Variants in RAD9B observed in about 807,000 individuals in gnomAD.
The protein encoded by RAD9B is cell cycle checkpoint control protein RAD9B.
A neutral mutation model predicts 48.3 loss-of-function variants in RAD9B; 41 were observed. The ratio of observed to expected loss-of-function variants is 0.85; its 90% CI spans 0.66 to 1.10. The LOEUF is 1.10. RAD9B is among the 50% of genes least tolerant of loss of function. RAD9B has a pLI of 0.00. For synonymous variants in RAD9B, 160 were observed against 157.9 expected, an observed-to-expected ratio of 1.01 and a Z score of -0.10; for missense variants, 444 against 485.1, an observed-to-expected ratio of 0.92 and a Z score of 0.80.
intron 4 of RAD9B, among the ~76,000 whole-genome samples, chr12:110,507,438 A>T (rs1359437352): frequency 1.4e-5 from 2 of 140,352 alleles, no homozygotes; most frequent in African/African-American, 5.2e-5. Context: ...ATATGTATTA[A>T]ATATAATATA....
intron 10 of RAD9B, 21 bp from the exon 11 acceptor site, chr12:110,530,504 C>T (rs986208842): frequency 1.2e-6 from 2 of 1,612,644 alleles, no homozygotes; most frequent in Non-Finnish European, 1.7e-6. Context: ...ATCAACAATG[C>T]AGTTCCTTTT....
At chr12:110,513,132 A>T (rs540585430) in intron 5 of RAD9B, among the ~76,000 whole-genome samples, 45 of 151,898 alleles carry the variant, frequency 3.0e-4, no homozygotes, top group African/African-American at 1.1e-3. Context: ...CTCCTGGCTA[A>T]TTTTTTTGTA....
At chr12:110,508,993 C>CTGGTTCTGTCGCCCAGGCTG (rs1314046416) in intron 4 of RAD9B, among the ~76,000 whole-genome samples, 3 of 151,930 alleles carry the variant, frequency 2.0e-5, no homozygotes, top group African/African-American at 7.3e-5. Flanking sequence ...AAGACGGAGT[C>CTGGTTCTGTCGCCCAGGCTG]TGGTTCTGTC....
Position 110,531,767 on chromosome 12 carries a change from C to T in RAD9B, c.*1114C>T. The T allele has an allele frequency of 1.3e-6, 1 of 760,910 alleles. No individual in the cohort carries two copies. The allele number at this position is 760,910 out of a possible 1,614,324, so 47.1% of individuals were successfully genotyped here. A position where few individuals can be genotyped will look rare whatever the true frequency, so the allele number is the denominator to read the frequency against. On this transcript the variant is annotated 3_prime_UTR_variant, in exon 11 of 11. Coordinates refer to ENST00000409300, the MANE Select transcript of RAD9B (RefSeq NM_001286535.2). Reference sequence around the variant, plus strand: ...ATGGACTAAAAAATCTGGCACAAAACATTGTTATGTAATGTCTTATGATGT... The same window carrying T: ...ATGGACTAAAAAATCTGGCACAAAATATTGTTATGTAATGTCTTATGATGT...
At chr12:110,514,354 T>C (rs1035158817) in intron 5 of RAD9B, among the ~76,000 whole-genome samples, 13 of 152,122 alleles carry the variant, frequency 8.5e-5, no homozygotes, top group African/African-American at 1.9e-4. Context: ...ACAGCCCAGC[T>C]GTAAAAAATA....
chr12:110,504,478 C>CAAA (rs765939893), intron 2 of RAD9B, among the ~76,000 whole-genome samples: 4 of 58,150 alleles, frequency 6.9e-5, no homozygotes, highest in Non-Finnish European at 3.6e-5. Context: ...GACTCCGTCC[C>CAAA]AAAAAAAAAA....
rs1309572250 is a variant in RAD9B at position 110,530,887 on chromosome 12, T to C, written c.*234T>C. 2 of 1,250,686 alleles carry C rather than the reference T, an allele frequency of 1.6e-6. No homozygotes were observed. The highest frequency in any genetic ancestry group is 2.0e-6 in the Non-Finnish European group (2 of 991,994). 77.5% of individuals were successfully genotyped at this position (1,250,686 alleles called of 1,614,324 possible). ...CTACTTGTGAGGCAGAAGAGTTTTC[T>C]GTGAAGGAAAAAAGCCCATTAGAGT... On this transcript the variant is annotated 3_prime_UTR_variant, in exon 11 of 11. Coordinates refer to ENST00000409300, the MANE Select transcript of RAD9B (RefSeq NM_001286535.2).
intron 4 of RAD9B, 147 bp downstream of exon 4, chr12:110,506,840 A>G: frequency 2.1e-6 from 1 of 466,922 alleles, no homozygotes; most frequent in Non-Finnish European, 3.8e-6. Context: ...TTGAAGTATT[A>G]TCCTTTTTTT....
chr12:110,508,037 C>A (rs2063348303), intron 4 of RAD9B: 1 of 168,426 alleles, frequency 5.9e-6, no homozygotes, highest in Non-Finnish European at 1.5e-5. Flanking sequence ...CTATAAAATA[C>A]TAATAATTTA....
Position 110,518,929 on chromosome 12 carries a change from T to C in RAD9B, c.758T>C (p.Phe253Ser). 1 of 1,563,822 alleles carries C rather than the reference T, an allele frequency of 6.4e-7. No homozygotes were observed. Among genetic ancestry groups the C allele is most frequent in the African/African-American group, 1.4e-5 (1 of 73,778 alleles). ...THAPISIYFD[F>S]PGKPLALSID... ...GCTCCTATATCCATTTATTTTGATT[T>C]CCCTGGGAAGTAGGTCCTTGAGAAT... Residue 253 changes from phenylalanine (F) to serine (S), a missense_variant, in exon 8 of 11, where the codon TTC becomes TCC. By Grantham distance (155) the Phe-to-Ser change is radical. Transcript: ENST00000409300.
chr12:110,518,108 G>A (rs1312334076), intron 6 of RAD9B, among the ~76,000 whole-genome samples: 5 of 151,984 alleles, frequency 3.3e-5, no homozygotes, highest in African/African-American at 7.2e-5. Context: ...AGAGAATGGC[G>A]TGAACCCGGG....
intron 10 of RAD9B, 25 bp from the exon 11 acceptor site, chr12:110,530,500 A>G: frequency 6.2e-7 from 1 of 1,612,406 alleles, no homozygotes; most frequent in Non-Finnish European, 8.5e-7. Flanking sequence ...TGGAATCAAC[A>G]ATGCAGTTCC....
intron 4 of RAD9B, among the ~76,000 whole-genome samples, chr12:110,512,285 A>T (rs191152738): frequency 1.3e-5 from 2 of 151,964 alleles, no homozygotes; most frequent in African/African-American, 4.8e-5. Context: ...GGTAGCTGGG[A>T]TTACAGGCAT....
intron 9 of RAD9B, among the ~76,000 whole-genome samples, chr12:110,520,628 C>CTTTTTTTTTTTTTTTTTTTTTTTG (rs71083129): frequency 1.0e-5 from 1 of 99,970 alleles, no homozygotes; most frequent in Admixed American, 1.3e-4. Flanking sequence ...TTCTTGCTTT[C>CTTTTTTTTTTTTTTTTTTTTTTTG]TTTTTTTTTT....
Position 110,519,941 on chromosome 12 carries a change from A to T in RAD9B, c.890+25A>T, listed in dbSNP as rs747985845. 3.7e-6 allele frequency: 6 copies of T among 1,604,884 alleles called. No individual in the cohort carries two copies. The Admixed American group carries it at 8.6e-5, about 23-fold the overall frequency. On this transcript the variant is annotated intron_variant, in intron 9 of 10. Coordinates refer to ENST00000409300, the MANE Select transcript of RAD9B (RefSeq NM_001286535.2). Reference sequence around the variant, plus strand: ...GGTAAGACTGTGTTTTAACTTCTTTATTACTTGGGACAAGCCATCATAATC... The same window carrying T: ...GGTAAGACTGTGTTTTAACTTCTTTTTTACTTGGGACAAGCCATCATAATC...
Position 110,502,372 on chromosome 12 carries a change from G to T in RAD9B, c.35G>T (p.Ser12Ile). 6.2e-7 allele frequency: 1 copy of T among 1,613,834 alleles called. No homozygotes were observed. The highest frequency in any genetic ancestry group is 8.5e-7 in the Non-Finnish European group (1 of 1,179,838). ...ATGCTGAAGTGCGTGATGAGCGGCA[G>T]TCAGGTGAAAGGTGGAGCGGCCTTT... The part of the protein sequence containing the change: ...AAMLKCVMSG[S>I]QVKVFGKAVQ... The change falls in exon 1 of 11, where the codon AGT (serine) becomes ATT (isoleucine). Residue 12 changes from serine to isoleucine, a missense_variant. Ser to Ile is a moderately radical substitution (Grantham distance 142). Coordinates refer to ENST00000409300, the MANE Select transcript of RAD9B (RefSeq NM_001286535.2).
rs2063706862 is a variant in RAD9B at position 110,519,413 on chromosome 12, TTGTTGTTGTTGTTGTTG to T, written c.768-379_768-363del. Among the ~76,000 whole-genome samples, 15 of 145,176 alleles carry T rather than the reference TTGTTGTTGTTGTTGTTG, an allele frequency of 1.0e-4. No individual in the cohort carries two copies. The South Asian group carries it at 3.2e-3, about 31-fold the overall frequency. Reference sequence around the variant, plus strand: ...GCCATAGCACCCGGCCTACTGTTTGTTGTTGTTGTTGTTGTTGTTGTTGTTGTTGTTGTTGAGATGGA... The same window carrying T: ...GCCATAGCACCCGGCCTACTGTTTGTTTGTTGTTGTTGTTGTTGAGATGGA... On this transcript the variant is annotated intron_variant, in intron 8 of 10. Coordinates refer to ENST00000409300, the MANE Select transcript of RAD9B (RefSeq NM_001286535.2).
chr12:110,531,797 C>T lies in RAD9B; in HGVS notation c.*1144C>T. 1 of 596,170 alleles carries T rather than the reference C, an allele frequency of 1.7e-6. No homozygotes were observed. The highest frequency in any genetic ancestry group is 2.9e-6 in the Non-Finnish European group (1 of 346,112). The allele number at this position is 596,170 out of a possible 1,614,324, so 36.9% of individuals were successfully genotyped here. On this transcript the variant is annotated 3_prime_UTR_variant, in exon 11 of 11. Transcript: ENST00000409300. ...TTATGTAATGTCTTATGATGTGTGCCTCTCCCTCCCCCAAACCTGTTTACA... is the reference window on the plus strand; with the variant it reads ...TTATGTAATGTCTTATGATGTGTGCTTCTCCCTCCCCCAAACCTGTTTACA...
intron 9 of RAD9B, among the ~76,000 whole-genome samples, chr12:110,520,450 C>T (rs901175011): frequency 1.3e-5 from 2 of 151,406 alleles, no homozygotes; most frequent in Non-Finnish European, 2.9e-5. Context: ...GGGCTGAAGC[C>T]ATCCACCTGC....
Sources: gnomAD v4.1 joint callset for allele counts (sites outside exome capture counted in the v4.1 genomes callset) on GRCh38, gnomAD v4.1.1 for gene constraint, MANE v1.5 for transcripts, NCBI Gene and HGNC (gene_info 2026-07-23, HGNC 2026-07-21) for gene names.